Variants in PTPRD observed in about 807,000 individuals in gnomAD.
PTPRD encodes protein tyrosine phosphatase receptor type D, also known as receptor-type tyrosine-protein phosphatase delta.
PTPRD carries 34 observed loss-of-function variants against 214.5 expected under a neutral mutation model. The observed-to-expected ratio is 0.16, with a 90% CI of 0.12 to 0.21. PTPRD has a LOEUF of 0.21. PTPRD is among the 10% of genes least tolerant of loss of function. The pLI is 1.00. For missense variants in PTPRD, 2,545 were observed against 2,398.7 expected, an observed-to-expected ratio of 1.06 and a Z score of -1.27; for synonymous variants, 1,128 against 845.7, an observed-to-expected ratio of 1.33 and a Z score of -5.79.
intron 7 of PTPRD, among the ~76,000 whole-genome samples, chr9:9,730,115 A>G (rs913861447): frequency 6.6e-6 from 1 of 152,140 alleles, no homozygotes; most frequent in Non-Finnish European, 1.5e-5. Flanking sequence ...TTTGGTACAT[A>G]TAAAAGAAAT....
At chr9:9,184,246 G>A (rs2099930017) in intron 9 of PTPRD, among the ~76,000 whole-genome samples, 1 of 152,018 alleles carries the variant, frequency 6.6e-6, no homozygotes, top group South Asian at 2.1e-4. Context: ...ATCACCCTGT[G>A]TCGGAGAAAA....
intron 9 of PTPRD, among the ~76,000 whole-genome samples, chr9:9,386,699 C>A (rs1163317521): frequency 6.6e-6 from 1 of 151,996 alleles, no homozygotes; most frequent in African/African-American, 2.4e-5. Flanking sequence ...TACATAAAAT[C>A]ACACAAATAT....
At chr9:9,706,504 A>G (rs970774813) in intron 7 of PTPRD, among the ~76,000 whole-genome samples, 2 of 151,868 alleles carry the variant, frequency 1.3e-5, no homozygotes, top group Non-Finnish European at 2.9e-5. Flanking sequence ...CAATGACACA[A>G]TCTTGGCTCA....
intron 3 of PTPRD, among the ~76,000 whole-genome samples, chr9:10,060,535 T>G (rs1198267139): frequency 1.3e-5 from 2 of 152,000 alleles, no homozygotes; most frequent in Non-Finnish European, 2.9e-5. Flanking sequence ...TATTGTAATC[T>G]CATGAACATG....
intron 8 of PTPRD, among the ~76,000 whole-genome samples, chr9:9,529,026 C>T (rs1301172063): frequency 6.7e-6 from 1 of 150,342 alleles, no homozygotes; most frequent in Non-Finnish European, 1.5e-5. Context: ...GCAACCTCTG[C>T]CTCCTGGGTT....
intron 2 of PTPRD, among the ~76,000 whole-genome samples, chr9:10,570,793 C>T (rs535021603): frequency 3.0e-4 from 46 of 152,040 alleles, no homozygotes; most frequent in Non-Finnish European, 5.6e-4. Context: ...AAGCCTGGAG[C>T]TCAGGCTTCA....
intron 11 of PTPRD, among the ~76,000 whole-genome samples, chr9:8,929,767 G>GTGTATATATA (rs1567061352): frequency 5.0e-5 from 5 of 99,538 alleles, no homozygotes; most frequent in Admixed American, 1.2e-4. Context: ...GTATATATAT[G>GTGTATATATA]TGTATATATA....
rs549599948 is a variant in PTPRD at position 9,310,683 on chromosome 9, G to A, written c.-203+86766C>T. Reference sequence around the variant, plus strand: ...CTGTAATCCCAGCACTTTGGGAGGCGGAAGCAGGCCGATCACCTGAGGTTG... The same window carrying A: ...CTGTAATCCCAGCACTTTGGGAGGCAGAAGCAGGCCGATCACCTGAGGTTG... On this transcript the variant is annotated intron_variant, in intron 9 of 45. Transcript: ENST00000381196. 3.3e-5 allele frequency among the ~76,000 whole-genome samples: 5 copies of A among 152,072 alleles called. No homozygotes were observed. In the South Asian group the frequency reaches 8.3e-4, roughly 25 times the overall value.
intron 3 of PTPRD, among the ~76,000 whole-genome samples, chr9:10,324,840 C>T (rs948232801): frequency 1.3e-5 from 2 of 152,002 alleles, no homozygotes; most frequent in African/African-American, 4.8e-5. Flanking sequence ...GAAATCTCTA[C>T]ATGTTCTCAA....
intron 6 of PTPRD, among the ~76,000 whole-genome samples, chr9:9,755,441 T>C (rs758661978): frequency 6.6e-6 from 1 of 152,080 alleles, no homozygotes; most frequent in Non-Finnish European, 1.5e-5. Flanking sequence ...TTTGGAAGAA[T>C]AAGGCAGAGC....
At chr9:10,150,586 C>A (rs947507106) in intron 3 of PTPRD, among the ~76,000 whole-genome samples, 5 of 150,940 alleles carry the variant, frequency 3.3e-5, no homozygotes, top group African/African-American at 1.2e-4. Flanking sequence ...TGCAGCACAC[C>A]AGCACAGCAC....
intron 11 of PTPRD, among the ~76,000 whole-genome samples, chr9:8,909,768 C>CAGAGAT (rs57501258): frequency 1.1e-3 from 157 of 142,654 alleles, no homozygotes; most frequent in African/African-American, 3.6e-3. Context: ...GAGATAGAGA[C>CAGAGAT]AGAGATAGAG....
intron 11 of PTPRD, among the ~76,000 whole-genome samples, chr9:9,006,642 C>T (rs1483874665): frequency 6.6e-6 from 1 of 151,888 alleles, no homozygotes; most frequent in Non-Finnish European, 1.5e-5. Context: ...TAAGCATCTG[C>T]CTGCTGGTCT....
intron 12 of PTPRD, among the ~76,000 whole-genome samples, chr9:8,658,087 G>A (rs1226354360): frequency 6.6e-6 from 1 of 152,144 alleles, no homozygotes; most frequent in African/African-American, 2.4e-5. Context: ...TGAATTGAGA[G>A]AATAATGCAG....
At chr9:8,909,995 T>C (rs954472208) in intron 11 of PTPRD, among the ~76,000 whole-genome samples, 5 of 151,882 alleles carry the variant, frequency 3.3e-5, no homozygotes, top group Admixed American at 3.3e-4. Context: ...GTTTAAACAG[T>C]TGTCCTCTCC....
intron 6 of PTPRD, among the ~76,000 whole-genome samples, chr9:9,748,255 A>G (rs985618182): frequency 1.1e-4 from 16 of 152,130 alleles, no homozygotes; most frequent in African/African-American, 3.9e-4. Context: ...TGTCCTCTGT[A>G]CTTTTTAAAC....
chr9:9,151,362 A>G (rs2099876595), intron 10 of PTPRD, among the ~76,000 whole-genome samples: 1 of 152,178 alleles, frequency 6.6e-6, no homozygotes, highest in African/African-American at 2.4e-5. Context: ...AACCTGGGTC[A>G]CAGATCACAT....
chr9:9,753,499 A>AT (rs1596798235), intron 6 of PTPRD, among the ~76,000 whole-genome samples: 2 of 151,962 alleles, frequency 1.3e-5, no homozygotes, highest in East Asian at 1.9e-4. Flanking sequence ...CCCTTTGTTT[A>AT]TTTTTTACCA....
chr9:9,917,044 T>C (rs2081043961), intron 5 of PTPRD, among the ~76,000 whole-genome samples: 1 of 151,032 alleles, frequency 6.6e-6, no homozygotes, highest in Admixed American at 6.6e-5. Context: ...CCAAAACCTA[T>C]GGAATGCAGC....
Sources: gnomAD v4.1 joint callset for allele counts (sites outside exome capture counted in the v4.1 genomes callset) on GRCh38, gnomAD v4.1.1 for gene constraint, MANE v1.5 for transcripts, NCBI Gene and HGNC (gene_info 2026-07-23, HGNC 2026-07-21) for gene names.